The following EYS variants were observed in gnomAD, a reference collection of about 807,000 sequenced individuals.
EYS encodes the protein protein eyes shut homolog.
A neutral mutation model predicts 282.1 loss-of-function variants in EYS; 250 were observed. The observed-to-expected ratio is 0.89, with a 90% CI of 0.80 to 0.98. The LOEUF is 0.98. Among genes scored for constraint, EYS ranks in the 50% least tolerant of loss-of-function variants. EYS has a pLI of 0.00. For synonymous variants in EYS, 1,355 were observed against 1,282.9 expected (o/e 1.06, Z -1.20); for missense variants, 4,016 against 3,709.0 (o/e 1.08, Z -2.15).
chr6:64,275,202 C>A (rs1768069355), intron 30 of EYS, among the ~76,000 whole-genome samples: 1 of 152,192 alleles, frequency 6.6e-6, no homozygotes, highest in Non-Finnish European at 1.5e-5. Context: ...CAAATTAAAT[C>A]TGCATATATT....
At chr6:64,717,202 T>C (rs531484209) in intron 22 of EYS, among the ~76,000 whole-genome samples, 16 of 152,328 alleles carry the variant, frequency 1.1e-4, no homozygotes, top group Non-Finnish European at 1.8e-4. Flanking sequence ...TGTCAGATTC[T>C]GACTTAAATC....
At chr6:64,010,399 G>A (rs538629526) in intron 33 of EYS, among the ~76,000 whole-genome samples, 4 of 151,002 alleles carry the variant, frequency 2.6e-5, no homozygotes, top group Non-Finnish European at 5.9e-5. Flanking sequence ...TGGTTGGGGG[G>A]GGGGGTGGTG....
At chr6:65,412,529 T>A (rs987841068) in intron 5 of EYS, among the ~76,000 whole-genome samples, 4 of 152,164 alleles carry the variant, frequency 2.6e-5, no homozygotes, top group African/African-American at 9.6e-5. Flanking sequence ...GCTATTTTAA[T>A]AGGTATGTAG....
intron 11 of EYS, among the ~76,000 whole-genome samples, chr6:65,334,265 T>C (rs1769898982): frequency 6.6e-6 from 1 of 151,802 alleles, no homozygotes; most frequent in Non-Finnish European, 1.5e-5. Flanking sequence ...TTTATTTTAT[T>C]GTATTTATTT....
intron 12 of EYS, among the ~76,000 whole-genome samples, chr6:65,130,014 G>T (rs995404340): frequency 6.6e-5 from 10 of 151,998 alleles, no homozygotes; most frequent in African/African-American, 2.4e-4. Flanking sequence ...CAGCAACATG[G>T]ATGTAGCTGG....
intron 35 of EYS, among the ~76,000 whole-genome samples, chr6:63,913,426 C>T (rs1391014234): frequency 6.6e-6 from 1 of 152,098 alleles, no homozygotes; most frequent in African/African-American, 2.4e-5. Context: ...GTGCAAATAC[C>T]ATCATCCAAT....
At chr6:64,023,763 G>C (rs939042845) in intron 33 of EYS, among the ~76,000 whole-genome samples, 1 of 152,236 alleles carries the variant, frequency 6.6e-6, no homozygotes, top group African/African-American at 2.4e-5. Flanking sequence ...CTCAGCTTGC[G>C]AGGAGGTGTG....
intron 19 of EYS, among the ~76,000 whole-genome samples, chr6:64,864,407 G>C (rs1336232733): frequency 2.5e-4 from 3 of 12,184 alleles, no homozygotes; most frequent in African/African-American, 6.7e-4. Flanking sequence ...TTTTTTTTTT[G>C]ACAGAATCTT....
chr6:64,792,877 T>TGTGTGTGTGTGTGTGTGTGTGTG (rs1562194593), intron 22 of EYS, among the ~76,000 whole-genome samples: 29 of 151,912 alleles, frequency 1.9e-4, no homozygotes, highest in South Asian at 4.1e-4. Flanking sequence ...TGTGTGTGTG[T>TGTGTGTGTGTGTGTGTGTGTGTG]TAGATGTAAC....
intron 12 of EYS, among the ~76,000 whole-genome samples, chr6:65,146,346 C>A (rs1764477613): frequency 6.6e-6 from 1 of 151,802 alleles, no homozygotes; most frequent in African/African-American, 2.4e-5. Context: ...AATACTAATT[C>A]TCTTACACTT....
chr6:64,116,036 A>G (rs1401460155), intron 31 of EYS, among the ~76,000 whole-genome samples: 1 of 152,116 alleles, frequency 6.6e-6, no homozygotes, highest in Non-Finnish European at 1.5e-5. Flanking sequence ...AATACATGAA[A>G]AAAATGAGAA....
chr6:65,213,026 T>A lies in EYS; in HGVS notation c.2023+82837A>T, dbSNP rs149532671. ...AGTGGCAGGATTATTCAACTGTTTT[T>A]CTTTATTTTTTTTTCCTTTGATGTA... On this transcript the variant is annotated intron_variant, in intron 12 of 42. Transcript: ENST00000503581. Among the ~76,000 whole-genome samples the A allele has an allele frequency of 1.2e-4, 18 of 152,280 alleles. No homozygotes were observed. In the East Asian group the frequency reaches 3.3e-3, roughly 28 times the overall value.
At chr6:64,972,595 A>G (rs554016851) in intron 14 of EYS, among the ~76,000 whole-genome samples, 246 of 152,080 alleles carry the variant, frequency 1.6e-3, no homozygotes, top group Non-Finnish European at 3.0e-3. Context: ...TAGTAGATAT[A>G]TTTTCTCTTC....
chr6:64,796,259 A>T (rs566880185), intron 22 of EYS, among the ~76,000 whole-genome samples: 1 of 151,932 alleles, frequency 6.6e-6, no homozygotes, highest in East Asian at 1.9e-4. Flanking sequence ...CCTCAAATTT[A>T]TATGTAGCTA....
At chr6:64,970,435 T>C (rs1770250988) in intron 14 of EYS, among the ~76,000 whole-genome samples, 1 of 152,112 alleles carries the variant, frequency 6.6e-6, no homozygotes, top group Non-Finnish European at 1.5e-5. Context: ...TGACCTCAGG[T>C]ACTCTGCTCA....
intron 11 of EYS, among the ~76,000 whole-genome samples, chr6:65,311,275 G>A (rs1270091326): frequency 6.6e-6 from 1 of 152,092 alleles, no homozygotes. Context: ...TATGAGCTGG[G>A]ACATAAGTTT....
chr6:64,000,181 T>G (rs1419841366), intron 33 of EYS, among the ~76,000 whole-genome samples: 7 of 68,576 alleles, frequency 1.0e-4, no homozygotes, highest in Non-Finnish European at 1.1e-4. Flanking sequence ...TTTTTTTTTT[T>G]TTTTTTTTTT....
intron 12 of EYS, among the ~76,000 whole-genome samples, chr6:65,295,089 C>A (rs905523653): frequency 6.6e-6 from 1 of 151,712 alleles, no homozygotes; most frequent in Admixed American, 6.6e-5. Flanking sequence ...GATGAAAATC[C>A]AAATAACTTT....
intron 32 of EYS, among the ~76,000 whole-genome samples, chr6:64,068,052 CT>C (rs1197749650): frequency 6.6e-6 from 1 of 151,972 alleles, no homozygotes. Context: ...ATATGATTAA[CT>C]TTAGTAGCTA....
Sources: allele counts gnomAD v4.1 joint callset (sites outside exome capture counted in the v4.1 genomes callset), GRCh38; gene constraint gnomAD v4.1.1; transcripts MANE v1.5; gene names NCBI Gene and HGNC (gene_info 2026-07-23, HGNC 2026-07-21).